The following HRH2 variants were observed in gnomAD, a reference collection of about 807,000 sequenced individuals.
The protein encoded by HRH2 is histamine H2 receptor.
Under a neutral mutation model 20.1 loss-of-function variants are expected in HRH2, and 4 were observed. The observed-to-expected ratio is 0.20, with a 90% CI of 0.10 to 0.45. HRH2 has a LOEUF of 0.45. Ranked by LOEUF, HRH2 falls within the 20% of genes least tolerant of loss-of-function variation. The probability of loss-of-function intolerance (pLI) is 0.99; values close to 1 mark genes in which losing one functional copy is unlikely to be tolerated. For synonymous variants in HRH2, 197 were observed against 200.7 expected (o/e 0.98, Z 0.16); for missense variants, 250 against 461.6 (o/e 0.54, Z 4.20).
rs1341476791 is a variant in HRH2, at chr5:175,677,313, CTGA to C, written c.-525-5393_-525-5391del. Reference sequence around the variant, plus strand: ...TACTTTTTCTTTATGCAGTCATTCACTGATGGACATGTAGGTTGATTCCATATC... The same window carrying C: ...TACTTTTTCTTTATGCAGTCATTCACTGGACATGTAGGTTGATTCCATATC... On this transcript the variant is annotated intron_variant, in intron 1 of 2. Coordinates refer to ENST00000636584, the MANE Select transcript of HRH2 (RefSeq NM_001367711.1). This position sits in a 1 kb window ranked among gnomAD's most constrained non-coding sequence, Gnocchi z 4.2. 6.6e-6 allele frequency among the ~76,000 whole-genome samples: 1 copy of C among 152,230 alleles called. No homozygotes were observed. Among genetic ancestry groups the C allele is most frequent in the African/African-American group, 2.4e-5 (1 of 41,460 alleles).
intron 1 of HRH2, among the ~76,000 whole-genome samples, chr5:175,668,636 C>T (rs538516377): frequency 9.9e-5 from 15 of 152,090 alleles, no homozygotes; most frequent in Non-Finnish European, 1.8e-4. Flanking sequence ...TTCATCAGGT[C>T]CTGGAGACTG....
chr5:175,693,982 A>C lies in HRH2; in HGVS notation c.1076+9673A>C, dbSNP rs1414622145. 1.3e-5 allele frequency among the ~76,000 whole-genome samples: 2 copies of C among 152,070 alleles called. No individual in the cohort carries two copies. The highest frequency in any genetic ancestry group is 4.8e-5 in the African/African-American group (2 of 41,402). ...CAGAGCTCTGAAGGCTGACCTCCCCAATTTGCTGGCTGGCTGACCTGGAGC... is the reference window on the plus strand; with the variant it reads ...CAGAGCTCTGAAGGCTGACCTCCCCCATTTGCTGGCTGGCTGACCTGGAGC... On this transcript the variant is annotated intron_variant, in intron 2 of 2. Transcript: ENST00000636584. This position sits in a 1 kb window ranked among gnomAD's most constrained non-coding sequence, Gnocchi z 4.4.
At chr5:175,673,946 C>A (rs1393617740) in intron 1 of HRH2, among the ~76,000 whole-genome samples, 1 of 152,116 alleles carries the variant, frequency 6.6e-6, no homozygotes, top group Non-Finnish European at 1.5e-5. Context: ...CTCAGGTGAT[C>A]CACCCGCCTC....
intron 2 of HRH2, among the ~76,000 whole-genome samples, chr5:175,698,844 T>C (rs1192114253): frequency 1.3e-5 from 2 of 152,222 alleles, no homozygotes; most frequent in Admixed American, 6.5e-5. Flanking sequence ...TTTCACCTCA[T>C]TGGGTGCAAA....
intron 1 of HRH2, among the ~76,000 whole-genome samples, chr5:175,682,219 C>T (rs972944410): frequency 6.6e-6 from 1 of 152,232 alleles, no homozygotes; most frequent in Non-Finnish European, 1.5e-5. Flanking sequence ...GTTTGTCGGC[C>T]ACCGCCTTAG....
At chr5:175,665,815 G>A (rs758972535) in intron 1 of HRH2, among the ~76,000 whole-genome samples, 21 of 152,034 alleles carry the variant, frequency 1.4e-4, no homozygotes, top group Non-Finnish European at 2.8e-4. Flanking sequence ...CCTGGAAACC[G>A]ACCTGGCTCT....
rs75293394 is a variant in HRH2, at chr5:175,709,889, C to G, written c.*1918C>G. The G allele has an allele frequency of 0.021, 3,283 of 152,984 alleles. 59 individuals carry two copies. Among genetic ancestry groups the G allele is most frequent in the Non-Finnish European group, 0.032 (2,201 of 68,516 alleles). The allele number at this position is 152,984 out of a possible 1,614,324, so 9.5% of individuals were successfully genotyped here. A position where few individuals can be genotyped will look rare whatever the true frequency, so the allele number is the denominator to read the frequency against. On this transcript the variant is annotated 3_prime_UTR_variant, in exon 3 of 3. Transcript: ENST00000636584. ...CTGTGTGCTGGGACCCTGCTGGGCC[C>G]TCTCCAGCCTCCCCCTGCGCCAGGC...
chr5:175,695,365 A>C (rs1403465863), intron 2 of HRH2, among the ~76,000 whole-genome samples: 1 of 152,114 alleles, frequency 6.6e-6, no homozygotes, highest in Non-Finnish European at 1.5e-5. Context: ...GGATTAAAGG[A>C]GCGAATAATA....
chr5:175,661,546 G>A (rs909980843), intron 1 of HRH2, among the ~76,000 whole-genome samples: 2 of 152,018 alleles, frequency 1.3e-5, no homozygotes, highest in African/African-American at 2.4e-5. Context: ...CTAAATCCAC[G>A]GCCTACACTC....
At position 175,686,053 on chromosome 5, in the gene HRH2, C is replaced by G. The variant is rs965954730; in HGVS notation, c.1076+1744C>G. 1 of 152,762 alleles carries G rather than the reference C, an allele frequency of 6.5e-6. No individual in the cohort carries two copies. Among genetic ancestry groups the G allele is most frequent in the Non-Finnish European group, 1.5e-5 (1 of 68,444 alleles). 9.5% of individuals were successfully genotyped at this position (152,762 alleles called of 1,614,324 possible). A position where few individuals can be genotyped will look rare whatever the true frequency, so the allele number is the denominator to read the frequency against. Reference sequence around the variant, plus strand: ...TTGCTCCGGCACTGAACTGTGGCCTCGGGCCCTGGACCCTGCCCCTCAAAT... The same window carrying G: ...TTGCTCCGGCACTGAACTGTGGCCTGGGGCCCTGGACCCTGCCCCTCAAAT... On this transcript the variant is annotated intron_variant, in intron 2 of 2. Transcript: ENST00000636584. This position sits in a 1 kb window ranked among gnomAD's most constrained non-coding sequence, Gnocchi z 4.7.
At position 175,683,376 on chromosome 5, in the gene HRH2, G is replaced by A. The variant is rs781393851; in HGVS notation, c.143G>A (p.Arg48Gln). 6.2e-6 allele frequency: 10 copies of A among 1,614,026 alleles called. No homozygotes were observed. Among genetic ancestry groups the A allele is most frequent in the Admixed American group, 1.7e-5 (1 of 59,996 alleles). ...TGTCTGGCCGTGGGCTTGAACCGCC[G>A]GCTCCGCAACCTGACCAATTGTTTC... ...VVCLAVGLNR[R>Q]LRNLTNCFIV... is the part of the protein sequence containing the mutation. Residue 48 changes from arginine (R) to glutamine (Q), a missense_variant, in exon 2 of 3, where the codon CGG (arginine) becomes CAG (glutamine). By Grantham distance (43) the Arg-to-Gln change is conservative. Around this residue, in one of 5 missense-constraint regions of HRH2, gnomAD observed 86 missense variants for 176.4 expected, o/e 0.49. Transcript: ENST00000636584.
At chr5:175,697,462 C>CAAAAAAAA (rs60466733) in intron 2 of HRH2, among the ~76,000 whole-genome samples, 69 of 82,510 alleles carry the variant, frequency 8.4e-4, no homozygotes, top group East Asian at 1.6e-3. Flanking sequence ...GACTCCGTCT[C>CAAAAAAAA]AAAAAAAAAA....
chr5:175,675,784 C>T (rs560847327), intron 1 of HRH2, among the ~76,000 whole-genome samples: 7 of 152,318 alleles, frequency 4.6e-5, no homozygotes, highest in Non-Finnish European at 7.3e-5. Context: ...TTCCATTCTC[C>T]ACCTGTCAAA....
intron 2 of HRH2, among the ~76,000 whole-genome samples, chr5:175,695,498 T>A (rs983788018): frequency 1.3e-5 from 2 of 152,198 alleles, no homozygotes; most frequent in African/African-American, 4.8e-5. Context: ...CTTCACCCTA[T>A]GATAAACATC....
chr5:175,684,332 C>T, intron 2 of HRH2, 23 bp downstream of exon 2: 1 of 1,607,452 alleles, frequency 6.2e-7, no homozygotes, highest in Non-Finnish European at 8.5e-7. Context: ...GCCATTGGTG[C>T]ACAGGATGGG....
intron 1 of HRH2, among the ~76,000 whole-genome samples, chr5:175,665,336 C>T (rs545269391): frequency 6.6e-6 from 1 of 152,078 alleles, no homozygotes; most frequent in Admixed American, 6.5e-5. Context: ...GTAGAGGCAG[C>T]GGGAGAGGGA....
At chr5:175,688,408 G>A (rs897375674) in intron 2 of HRH2, among the ~76,000 whole-genome samples, 2 of 152,068 alleles carry the variant, frequency 1.3e-5, no homozygotes, top group African/African-American at 4.8e-5. Context: ...ACCATCCTCT[G>A]CCCCAGCCAG....
Position 175,687,274 on chromosome 5 carries a change from A to T in HRH2, c.1076+2965A>T, listed in dbSNP as rs1388077839. ...CGATCAGGGCCTCGTGTGTCCCTCG[A>T]TAAGCTCGGCTGCCAGTTTCCCTGC... On this transcript the variant is annotated intron_variant, in intron 2 of 2. Transcript: ENST00000636584. The surrounding 1 kb of genome is among the most constrained non-coding windows in gnomAD (Gnocchi z 5.2). Among the ~76,000 whole-genome samples the T allele has an allele frequency of 6.6e-6, 1 of 152,038 alleles. No individual in the cohort carries two copies. The highest frequency in any genetic ancestry group is 1.5e-5 in the Non-Finnish European group (1 of 68,002).
Position 175,708,293 on chromosome 5 carries a change from CA to C in HRH2, c.*323del, listed in dbSNP as rs1344472288. On this transcript the variant is annotated 3_prime_UTR_variant, in exon 3 of 3. Coordinates refer to ENST00000636584, the MANE Select transcript of HRH2 (RefSeq NM_001367711.1). ...ACGGGGATGCGTGCACATGTGTGTG[CA>C]TGGGTGCATACGTGTAGGGACGTGC... The C allele has an allele frequency of 2.0e-5, 5 of 244,398 alleles. No individual in the cohort carries two copies. Among genetic ancestry groups the C allele is most frequent in the Non-Finnish European group, 2.3e-5 (3 of 128,358 alleles). 15.1% of individuals were successfully genotyped at this position (244,398 alleles called of 1,614,324 possible).
Sources: allele counts gnomAD v4.1 joint callset (sites outside exome capture counted in the v4.1 genomes callset), GRCh38; gene constraint gnomAD v4.1.1; regional missense constraint gnomAD v4.1.1; non-coding constraint Gnocchi (gnomAD v3.1); transcripts MANE v1.5; gene names NCBI Gene and HGNC (gene_info 2026-07-23, HGNC 2026-07-21).